The following SAMMSON variants were observed in gnomAD, a reference collection of about 807,000 sequenced individuals.
The protein encoded by SAMMSON is long intergenic non-protein coding RNA 1212.
intron 4 of SAMMSON, among the ~76,000 whole-genome samples, chr3:70,138,117 T>C (rs2067513453): frequency 6.6e-6 from 1 of 152,190 alleles, no homozygotes. Context: ...GGGAATGAGA[T>C]TCAAATGTAA....
chr3:70,017,424 C>G (rs1008838720), intron 3 of SAMMSON, among the ~76,000 whole-genome samples: 1 of 152,004 alleles, frequency 6.6e-6, no homozygotes, highest in Admixed American at 6.6e-5. Flanking sequence ...GATTTTTGCA[C>G]ATTGAATTTG....
At chr3:70,426,401 C>T (rs1213365439) in intron 2 of SAMMSON, among the ~76,000 whole-genome samples, 1 of 152,190 alleles carries the variant, frequency 6.6e-6, no homozygotes, top group African/African-American at 2.4e-5. Context: ...AACACTAAAT[C>T]ATTTTGAGGA....
chr3:70,008,759 G>T (rs2066941014), intron 1 of SAMMSON, among the ~76,000 whole-genome samples: 1 of 152,176 alleles, frequency 6.6e-6, no homozygotes, highest in South Asian at 2.1e-4. Flanking sequence ...CATTCAGTAT[G>T]ATATTGGCTG....
At chr3:70,152,456 T>G (rs1313121568) in intron 4 of SAMMSON, among the ~76,000 whole-genome samples, 1 of 152,086 alleles carries the variant, frequency 6.6e-6, no homozygotes, top group Non-Finnish European at 1.5e-5. Context: ...AGTGGGTACC[T>G]TCTTCTATAT....
chr3:70,261,289 T>C (rs1421628371), intron 6 of SAMMSON, among the ~76,000 whole-genome samples: 2 of 152,210 alleles, frequency 1.3e-5, no homozygotes, highest in East Asian at 3.9e-4. Context: ...GTTAGTGCAG[T>C]GTGGCTTTCT....
At chr3:70,107,147 G>A (rs2067369939) in intron 4 of SAMMSON, among the ~76,000 whole-genome samples, 2 of 152,156 alleles carry the variant, frequency 1.3e-5, no homozygotes, top group African/African-American at 4.8e-5. Context: ...GGAGACTAAA[G>A]TGATAAAAGA....
intron 7 of SAMMSON, among the ~76,000 whole-genome samples, chr3:70,304,758 C>A (rs1287298628): frequency 1.3e-5 from 2 of 152,182 alleles, no homozygotes; most frequent in Non-Finnish European, 2.9e-5. Context: ...ATATAAATGA[C>A]TGCATATGTT....
intron 6 of SAMMSON, among the ~76,000 whole-genome samples, chr3:70,255,545 G>A (rs562983322): frequency 3.3e-5 from 5 of 152,080 alleles, no homozygotes; most frequent in South Asian, 4.2e-4. Context: ...CCTCAGTCCT[G>A]CAGCCTCAGT....
At chr3:70,303,182 C>G (rs895327415) in intron 7 of SAMMSON, among the ~76,000 whole-genome samples, 1 of 152,104 alleles carries the variant, frequency 6.6e-6, no homozygotes, top group Admixed American at 6.5e-5. Context: ...GCTACTGGCT[C>G]TTAGAGTAGA....
intron 4 of SAMMSON, among the ~76,000 whole-genome samples, chr3:70,112,663 A>G (rs1431881155): frequency 6.6e-6 from 1 of 152,188 alleles, no homozygotes; most frequent in Non-Finnish European, 1.5e-5. Flanking sequence ...TTGAGAAAGC[A>G]TGGTAAAAAT....
intron 7 of SAMMSON, among the ~76,000 whole-genome samples, chr3:70,328,154 G>A (rs1702591696): frequency 6.6e-6 from 1 of 152,102 alleles, no homozygotes; most frequent in East Asian, 1.9e-4. Flanking sequence ...CATGGGAAAG[G>A]TCTGCCCCCA....
At chr3:70,157,639 G>T (rs754298671) in intron 4 of SAMMSON, among the ~76,000 whole-genome samples, 1 of 152,050 alleles carries the variant, frequency 6.6e-6, no homozygotes, top group African/African-American at 2.4e-5. Context: ...AACAAAAATG[G>T]CTGAAGCAGA....
chr3:70,377,917 C>T (rs562948697), intron 9 of SAMMSON, among the ~76,000 whole-genome samples: 1 of 151,830 alleles, frequency 6.6e-6, no homozygotes, highest in East Asian at 1.9e-4. Context: ...CTCCTTTTTG[C>T]CCATCAGACT....
intron 4 of SAMMSON, among the ~76,000 whole-genome samples, chr3:70,096,324 G>C (rs531078093): frequency 3.5e-4 from 53 of 152,268 alleles, no homozygotes; most frequent in Middle Eastern, 6.8e-3. Flanking sequence ...TGGAAGGATA[G>C]CTTGAGGCCA....
intron 4 of SAMMSON, chr3:70,084,924 T>G (rs921662869): frequency 6.6e-6 from 1 of 152,202 alleles, no homozygotes; most frequent in Non-Finnish European, 1.5e-5. Context: ...GACTGCAAGC[T>G]TATCCCTCCC....
intron 7 of SAMMSON, among the ~76,000 whole-genome samples, chr3:70,296,295 C>G (rs1702288353): frequency 6.6e-6 from 1 of 152,048 alleles, no homozygotes; most frequent in South Asian, 2.1e-4. Flanking sequence ...TTTTGTTTCC[C>G]TTTCCAAATC....
At chr3:70,179,268 G>C (rs1701032389) in intron 4 of SAMMSON, among the ~76,000 whole-genome samples, 2 of 152,140 alleles carry the variant, frequency 1.3e-5, no homozygotes, top group African/African-American at 4.8e-5. Context: ...CTTAAACCTT[G>C]GTTCCCCTTC....
At chr3:70,324,018 G>T (rs754953256) in intron 7 of SAMMSON, among the ~76,000 whole-genome samples, 1 of 151,982 alleles carries the variant, frequency 6.6e-6, no homozygotes, top group African/African-American at 2.4e-5. Flanking sequence ...ACATTCATTC[G>T]TCCCTTCCTG....
intron 3 of SAMMSON, among the ~76,000 whole-genome samples, chr3:70,016,345 G>T (rs919658672): frequency 6.6e-6 from 1 of 150,988 alleles, no homozygotes; most frequent in African/African-American, 2.5e-5. Context: ...TGTGTCTGTT[G>T]TCTGTATAAA....
Sources: allele counts gnomAD v4.1 joint callset (sites outside exome capture counted in the v4.1 genomes callset), GRCh38; gene constraint gnomAD v4.1.1; transcripts MANE v1.5; gene names NCBI Gene and HGNC (gene_info 2026-07-23, HGNC 2026-07-21).